Variants in BFSP1 observed in about 807,000 individuals in gnomAD.
BFSP1 encodes beaded filament structural protein 1.
A neutral mutation model predicts 43.9 loss-of-function variants in BFSP1; 38 were observed. That is an observed-to-expected ratio of 0.87 (90% CI 0.67 to 1.14). BFSP1 has a LOEUF of 1.14. Ranked by LOEUF, BFSP1 falls within the 50% of genes most tolerant of loss-of-function variation. The probability of loss-of-function intolerance (pLI) is 0.00; values close to 1 mark genes in which losing one functional copy is unlikely to be tolerated. For synonymous variants in BFSP1, 352 were observed against 354.8 expected (o/e 0.99, Z 0.09); for missense variants, 850 against 875.1 (o/e 0.97, Z 0.36).
chr20:17,540,890 C>T (rs954048301), intron 1 of BFSP1, among the ~76,000 whole-genome samples: 2 of 152,202 alleles, frequency 1.3e-5, no homozygotes, highest in African/African-American at 4.8e-5. Flanking sequence ...GTTGCTACTA[C>T]ACCATGGGCA....
intron 1 of BFSP1, among the ~76,000 whole-genome samples, chr20:17,537,087 G>A (rs985122982): frequency 2.6e-5 from 4 of 152,086 alleles, no homozygotes; most frequent in Admixed American, 2.6e-4. Flanking sequence ...TTTACCATCC[G>A]TCCTTTACCC....
At chr20:17,549,103 G>C (rs57258654) in intron 1 of BFSP1, among the ~76,000 whole-genome samples, 1 of 152,128 alleles carries the variant, frequency 6.6e-6, no homozygotes, top group Admixed American at 6.5e-5. Context: ...GAGCCACTAT[G>C]CCAGCCCCAT....
upstream of BFSP1, among the ~76,000 whole-genome samples, chr20:17,535,353 AC>A (rs1305686796): frequency 6.6e-6 from 1 of 152,128 alleles, no homozygotes; most frequent in East Asian, 1.9e-4. Context: ...ACATGGTGAA[AC>A]CCCATCTGTA....
intron 1 of BFSP1, among the ~76,000 whole-genome samples, chr20:17,553,608 CT>C (rs1186825676): frequency 3.3e-5 from 5 of 151,488 alleles, no homozygotes; most frequent in Non-Finnish European, 7.4e-5. Context: ...CTGATAAGTG[CT>C]TCAAAAATCA....
intron 1 of BFSP1, among the ~76,000 whole-genome samples, chr20:17,543,504 A>G (rs1363859015): frequency 6.6e-6 from 1 of 152,252 alleles, no homozygotes; most frequent in Non-Finnish European, 1.5e-5. Context: ...TTAGCTGCAA[A>G]AACATTTTAG....
intron 1 of BFSP1, among the ~76,000 whole-genome samples, chr20:17,554,737 C>T (rs1324798554): frequency 6.6e-6 from 1 of 152,122 alleles, no homozygotes; most frequent in Non-Finnish European, 1.5e-5. Context: ...AAACCTAACC[C>T]ATGCAATGAC....
chr20:17,550,446 A>G (rs2034877214), intron 1 of BFSP1, among the ~76,000 whole-genome samples: 1 of 148,500 alleles, frequency 6.7e-6, no homozygotes, highest in African/African-American at 2.5e-5. Flanking sequence ...AAGTACATCA[A>G]AGCATGACTA....
upstream of BFSP1, among the ~76,000 whole-genome samples, chr20:17,531,726 C>G (rs2034546402): frequency 6.6e-6 from 1 of 152,192 alleles, no homozygotes; most frequent in Non-Finnish European, 1.5e-5. Context: ...AGCTCAAGAG[C>G]CCAGGGCTTG....
At chr20:17,536,786 G>A (rs189444931) in intron 1 of BFSP1, among the ~76,000 whole-genome samples, 49 of 152,302 alleles carry the variant, frequency 3.2e-4, no homozygotes, top group Non-Finnish European at 6.0e-4. Flanking sequence ...TGGGTTTCAC[G>A]TTAGGTCTCT....
At chr20:17,532,908 TAGAG>T (rs940025252), upstream of BFSP1, among the ~76,000 whole-genome samples, 3 of 152,092 alleles carry the variant, frequency 2.0e-5, no homozygotes, top group African/African-American at 4.8e-5. Context: ...TTATCAAAGA[TAGAG>T]AAAGAAAATT....
At chr20:17,528,299 G>A (rs369652325) in intron 1 of BFSP1, among the ~76,000 whole-genome samples, 2 of 152,156 alleles carry the variant, frequency 1.3e-5, no homozygotes, top group East Asian at 1.9e-4. Context: ...CTTCATGATG[G>A]GCATATAACT....
intron 1 of BFSP1, among the ~76,000 whole-genome samples, chr20:17,538,417 A>G (rs1401552113): frequency 1.3e-5 from 2 of 152,334 alleles, no homozygotes; most frequent in East Asian, 3.9e-4. Context: ...TTGAAATTGT[A>G]ACAAAAGAAA....
At position 17,493,961 on chromosome 20, in the gene BFSP1, C is replaced by T; in HGVS notation, c.*113G>A. On this transcript the variant is annotated 3_prime_UTR_variant, in exon 8 of 8. Coordinates refer to ENST00000377873, the MANE Select transcript of BFSP1 (RefSeq NM_001195.5). The stretch of plus-strand genomic sequence containing the variant: ...TCGTTGGCAATGCCAGATGGGTCAA[C>T]TATGGTCTAATCCAAACAGGAACCC... The T allele has an allele frequency of 9.5e-7, 1 of 1,051,244 alleles. No individual in the cohort carries two copies. The highest frequency in any genetic ancestry group is 1.4e-6 in the Non-Finnish European group (1 of 724,114). The allele number at this position is 1,051,244 out of a possible 1,614,324, so 65.1% of individuals were successfully genotyped here.
intron 5 of BFSP1, among the ~76,000 whole-genome samples, chr20:17,501,766 A>G (rs1287662227): frequency 6.6e-6 from 1 of 152,206 alleles, no homozygotes; most frequent in African/African-American, 2.4e-5. Context: ...GGTCCCAGCA[A>G]CAAGATGACC....
At chr20:17,501,713 G>T (rs117275090) in intron 5 of BFSP1, among the ~76,000 whole-genome samples, 2 of 152,128 alleles carry the variant, frequency 1.3e-5, no homozygotes, top group Non-Finnish European at 2.9e-5. Flanking sequence ...TCCAGTCCAC[G>T]TTGTCCCTGT....
intron 1 of BFSP1, among the ~76,000 whole-genome samples, chr20:17,558,532 A>G (rs1370113303): frequency 6.6e-6 from 1 of 152,198 alleles, no homozygotes; most frequent in African/African-American, 2.4e-5. Flanking sequence ...TACTGAGCCA[A>G]TATTTATCAT....
intron 1 of BFSP1, among the ~76,000 whole-genome samples, chr20:17,553,838 C>CAA (rs2034941682): frequency 1.2e-5 from 1 of 84,690 alleles, no homozygotes; most frequent in Non-Finnish European, 2.1e-5. Context: ...TATATATATA[C>CAA]ACATATATAT....
chr20:17,509,935 G>A (rs2034035841), intron 4 of BFSP1, among the ~76,000 whole-genome samples: 1 of 152,202 alleles, frequency 6.6e-6, no homozygotes, highest in African/African-American at 2.4e-5. Flanking sequence ...TTGACTCGAA[G>A]CCATGCAAAA....
At chr20:17,568,359 C>G (rs1306743724) in intron 1 of BFSP1, among the ~76,000 whole-genome samples, 1 of 152,046 alleles carries the variant, frequency 6.6e-6, no homozygotes, top group Non-Finnish European at 1.5e-5. Context: ...GAGCACCATT[C>G]ACTTTTGGAC....
Sources: allele counts gnomAD v4.1 joint callset (sites outside exome capture counted in the v4.1 genomes callset), GRCh38; gene constraint gnomAD v4.1.1; transcripts MANE v1.5; gene names NCBI Gene and HGNC (gene_info 2026-07-23, HGNC 2026-07-21).